The following SUGCT variants were observed in gnomAD, a reference collection of about 807,000 sequenced individuals.
SUGCT encodes succinyl-CoA:glutarate CoA-transferase.
SUGCT carries 41 observed loss-of-function variants against 55.0 expected under a neutral mutation model. That is an observed-to-expected ratio of 0.74 (90% CI 0.58 to 0.97). SUGCT has a LOEUF of 0.97. SUGCT is among the 50% of genes least tolerant of loss of function. The probability of loss-of-function intolerance (pLI) is 0.00; values close to 1 mark genes in which losing one functional copy is unlikely to be tolerated. For missense variants in SUGCT, 568 were observed against 547.8 expected, an observed-to-expected ratio of 1.04 and a Z score of -0.37; for synonymous variants, 187 against 200.4, an observed-to-expected ratio of 0.93 and a Z score of 0.56.
At chr7:40,965,930 A>AT in the SUGCT span, 6 of 152,248 alleles carry the variant, frequency 3.9e-5, no homozygotes, top group Non-Finnish European at 8.8e-5. Flanking sequence ...AGTCATTGTA[A>AT]TGGCCTAGTT....
At chr7:40,803,838 T>C (rs1219444731) in intron 13 of SUGCT, among the ~76,000 whole-genome samples, 1 of 152,230 alleles carries the variant, frequency 6.6e-6, no homozygotes, top group Non-Finnish European at 1.5e-5. Flanking sequence ...TTTCAAATGC[T>C]AGTTTTATTG....
chr7:40,458,780 A>AT (rs1332314727), intron 10 of SUGCT, among the ~76,000 whole-genome samples: 7 of 152,046 alleles, frequency 4.6e-5, no homozygotes, highest in East Asian at 1.9e-4. Flanking sequence ...TCTAAACAAG[A>AT]TTTTTTTCTG....
At chr7:40,453,556 T>C (rs980765740) in intron 10 of SUGCT, among the ~76,000 whole-genome samples, 9 of 152,198 alleles carry the variant, frequency 5.9e-5, no homozygotes, top group African/African-American at 2.2e-4. Context: ...GACCATTAGG[T>C]TTGGCACTTA....
intron 12 of SUGCT, among the ~76,000 whole-genome samples, chr7:40,504,350 G>A (rs559691331): frequency 2.0e-5 from 3 of 152,194 alleles, no homozygotes; most frequent in African/African-American, 7.2e-5. Context: ...TCACTATGTT[G>A]CCCAGGCTGG....
intron 11 of SUGCT, among the ~76,000 whole-genome samples, chr7:40,465,559 G>A (rs1371077445): frequency 2.0e-5 from 3 of 151,954 alleles, no homozygotes; most frequent in South Asian, 2.1e-4. Context: ...GCAGTGAGCC[G>A]AGATCATGCC....
At chr7:41,024,918 C>A in the SUGCT span, among the ~76,000 whole-genome samples, 1 of 152,112 alleles carries the variant, frequency 6.6e-6, no homozygotes, top group Non-Finnish European at 1.5e-5. Flanking sequence ...CAGAAAGAAG[C>A]CTAAGACATG....
At chr7:40,280,619 A>G (rs1303825064) in intron 8 of SUGCT, among the ~76,000 whole-genome samples, 2 of 152,224 alleles carry the variant, frequency 1.3e-5, no homozygotes, top group African/African-American at 2.4e-5. Context: ...ATATTCAAGT[A>G]GAAACAATTT....
intron 12 of SUGCT, among the ~76,000 whole-genome samples, chr7:40,605,150 A>G (rs1416820227): frequency 3.3e-5 from 5 of 152,266 alleles, no homozygotes; most frequent in South Asian, 2.1e-4. Flanking sequence ...GACGATGGCC[A>G]TGGAAATACA....
intron 13 of SUGCT, among the ~76,000 whole-genome samples, chr7:40,806,837 C>T (rs557809805): frequency 1.3e-5 from 2 of 152,228 alleles, no homozygotes; most frequent in Admixed American, 6.5e-5. Context: ...TAGGCTCTAC[C>T]CAGCTGCCCT....
At chr7:40,898,360 G>A in the SUGCT span, among the ~76,000 whole-genome samples, 1 of 151,932 alleles carries the variant, frequency 6.6e-6, no homozygotes, top group East Asian at 1.9e-4. Flanking sequence ...CTTCGCTCCT[G>A]AAGTCAGCAA....
intron 11 of SUGCT, among the ~76,000 whole-genome samples, chr7:40,467,770 C>CG (rs1478338730): frequency 1.3e-5 from 2 of 151,916 alleles, no homozygotes; most frequent in African/African-American, 4.8e-5. Context: ...ATAAGGATGA[C>CG]GTAACTAGTA....
At chr7:40,513,806 T>C (rs991420559) in intron 12 of SUGCT, among the ~76,000 whole-genome samples, 20 of 146,928 alleles carry the variant, frequency 1.4e-4, no homozygotes, top group Middle Eastern at 6.9e-3. Flanking sequence ...TTTTTTTTTT[T>C]GGAGACAGAG....
the SUGCT span, among the ~76,000 whole-genome samples, chr7:40,874,405 C>A: frequency 6.6e-6 from 1 of 152,180 alleles, no homozygotes; most frequent in Non-Finnish European, 1.5e-5. Flanking sequence ...TTCTATATAT[C>A]TCTGTTGTAT....
Position 40,652,456 on chromosome 7 carries a change from T to C in SUGCT, c.1090-96978T>C, listed in dbSNP as rs528713668. 2.1e-4 allele frequency among the ~76,000 whole-genome samples: 32 copies of C among 152,332 alleles called. No individual in the cohort carries two copies. The East Asian group carries it at 5.4e-3, about 26-fold the overall frequency. ...ATGTCTATCTCCATCTTCAAAGCTG[T>C]ACTATTCTACCTCTAGGATCTCCCT... On this transcript the variant is annotated intron_variant, in intron 12 of 13. Coordinates refer to ENST00000335693, the MANE Select transcript of SUGCT (RefSeq NM_001193313.2).
chr7:40,865,347 C>G (rs569095304), downstream of SUGCT, among the ~76,000 whole-genome samples: 63 of 152,172 alleles, frequency 4.1e-4, no homozygotes, highest in Non-Finnish European at 8.8e-5. Flanking sequence ...TTCACCCCCA[C>G]AAGCAGTCTT....
intron 9 of SUGCT, among the ~76,000 whole-genome samples, chr7:40,439,072 A>G (rs374226027): frequency 0.26 from 13,384 of 51,066 alleles, 2,589 homozygotes; most frequent in Non-Finnish European, 0.34. Context: ...GTGTATATAT[A>G]TATATATATA....
At chr7:40,458,985 A>G in intron 10 of SUGCT, 116 bp from the exon 11 acceptor site, 1 of 653,936 alleles carries the variant, frequency 1.5e-6, no homozygotes, top group Non-Finnish European at 2.7e-6. Flanking sequence ...TGAGGGGCAT[A>G]AAGACCAGCA....
At chr7:40,266,909 G>A in intron 7 of SUGCT, among the ~76,000 whole-genome samples, 1 of 152,096 alleles carries the variant, frequency 6.6e-6, no homozygotes, top group East Asian at 1.9e-4. Context: ...CAAGCTACTC[G>A]GGAGGCTGAG....
the SUGCT span, among the ~76,000 whole-genome samples, chr7:40,954,595 G>A: frequency 6.6e-6 from 1 of 151,942 alleles, no homozygotes; most frequent in Non-Finnish European, 1.5e-5. Context: ...TCTTGGAACT[G>A]CCCCTGATGA....
Sources: gnomAD v4.1 joint callset for allele counts (sites outside exome capture counted in the v4.1 genomes callset) on GRCh38, gnomAD v4.1.1 for gene constraint, MANE v1.5 for transcripts, NCBI Gene and HGNC (gene_info 2026-07-23, HGNC 2026-07-21) for gene names.